CWH43: variants seen among roughly 807,000 people sequenced by gnomAD.
CWH43 encodes the protein cell wall biogenesis 43 C-terminal homolog.
A neutral mutation model predicts 85.7 loss-of-function variants in CWH43; 91 were observed. That is an observed-to-expected ratio of 1.06 (90% CI 0.90 to 1.26). The LOEUF is 1.26. Ranked by LOEUF, CWH43 falls within the 50% of genes most tolerant of loss-of-function variation. The pLI is 0.00. For missense variants in CWH43, 869 were observed against 839.2 expected (o/e 1.04, Z -0.44); for synonymous variants, 323 against 293.6 (o/e 1.10, Z -1.02).
At chr4:49,053,160 G>A (rs1278041921) in intron 15 of CWH43, among the ~76,000 whole-genome samples, 1 of 152,126 alleles carries the variant, frequency 6.6e-6, no homozygotes, top group Non-Finnish European at 1.5e-5. Flanking sequence ...ATGTATGTTT[G>A]TGTATAGCTG....
chr4:49,003,695 G>T (rs368954377), intron 6 of CWH43, 40 bp from the exon 7 acceptor site: 2 of 1,609,366 alleles, frequency 1.2e-6, no homozygotes, highest in South Asian at 2.2e-5. Flanking sequence ...CTCTAAGCTC[G>T]ACTGCTTTCC....
chr4:48,986,669 C>A (rs1782505603), intron 1 of CWH43, 197 bp downstream of exon 1: 2 of 1,353,672 alleles, frequency 1.5e-6, no homozygotes, highest in Non-Finnish European at 1.9e-6. Context: ...TTGAAGTCTT[C>A]AAGCTGAGTC....
chr4:49,006,996 T>C (rs1783179802), intron 7 of CWH43: 2 of 438,754 alleles, frequency 4.6e-6, no homozygotes, highest in African/African-American at 4.1e-5. Flanking sequence ...TCCTGTCATT[T>C]AAAGCACGAT....
intron 2 of CWH43, among the ~76,000 whole-genome samples, chr4:48,989,008 T>C (rs1345882239): frequency 1.3e-5 from 2 of 152,182 alleles, no homozygotes; most frequent in Admixed American, 1.3e-4. Flanking sequence ...GTTTGTTAAA[T>C]AATAATTCAC....
At chr4:49,021,616 T>C (rs1315216811) in intron 9 of CWH43, among the ~76,000 whole-genome samples, 2 of 152,160 alleles carry the variant, frequency 1.3e-5, no homozygotes, top group Non-Finnish European at 2.9e-5. Context: ...GGGAATTGCA[T>C]TGAATTTGTA....
intron 12 of CWH43, among the ~76,000 whole-genome samples, chr4:49,037,231 A>G (rs1256280185): frequency 3.3e-5 from 5 of 152,204 alleles, no homozygotes; most frequent in Non-Finnish European, 5.9e-5. Flanking sequence ...TAAAAGCACC[A>G]TGTTCAGCTG....
chr4:49,041,307 G>C (rs1311309796), intron 13 of CWH43, among the ~76,000 whole-genome samples: 4 of 152,172 alleles, frequency 2.6e-5, no homozygotes, highest in Non-Finnish European at 5.9e-5. Flanking sequence ...TGATGGGGAT[G>C]ACATTGAATG....
intron 7 of CWH43, among the ~76,000 whole-genome samples, chr4:49,006,509 C>T (rs1192677072): frequency 1.3e-5 from 2 of 152,088 alleles, no homozygotes; most frequent in African/African-American, 4.8e-5. Flanking sequence ...AATTGGACAC[C>T]GCTGTTTTTG....
In CWH43 at chr4:49,017,325, A is replaced by G; in HGVS notation, c.1263A>G (p.Lys421=). The G allele has an allele frequency of 6.2e-7, 1 of 1,601,356 alleles. No individual in the cohort carries two copies. The highest frequency in any genetic ancestry group is 8.5e-7 in the Non-Finnish European group (1 of 1,170,754). Residue 421 remains lysine (K), a synonymous_variant, in exon 9 of 16, where the codon AAA becomes AAG. Coordinates refer to ENST00000226432, the MANE Select transcript of CWH43 (RefSeq NM_025087.3). ...RHKAYERKLG[K]VAPTKEVSAA... is the part of the protein sequence containing the mutation. ...AAGCCTATGAGAGAAAACTGGGCAA[A>G]GTGGTAAGTAATTAAAAACCTTGAA... is the stretch of plus-strand genomic sequence containing the variant.
intron 7 of CWH43, among the ~76,000 whole-genome samples, chr4:49,004,356 C>T (rs1783088098): frequency 6.6e-6 from 1 of 152,106 alleles, no homozygotes; most frequent in Non-Finnish European, 1.5e-5. Context: ...GTGGTTGGCT[C>T]GTAAATATAC....
In CWH43 at chr4:49,039,732, T is replaced by C. The variant is rs568889165; in HGVS notation, c.1803+1552T>C. ...AACAGAGAGTGTATTTCTTTTTTTT[T>C]CTGATTTTTTTAAAATTTTATTATT... On this transcript the variant is annotated intron_variant, in intron 13 of 15. Transcript: ENST00000226432. 3.3e-5 allele frequency among the ~76,000 whole-genome samples: 5 copies of C among 151,918 alleles called. No individual in the cohort carries two copies. In the East Asian group the frequency reaches 7.8e-4, roughly 24 times the overall value.
intron 14 of CWH43, among the ~76,000 whole-genome samples, chr4:49,048,923 C>T (rs926557305): frequency 6.6e-6 from 1 of 152,124 alleles, no homozygotes; most frequent in African/African-American, 2.4e-5. Context: ...TCATCTCAAT[C>T]ACCAAATTCA....
chr4:49,035,901 CTTG>C (rs1784248034), intron 12 of CWH43, among the ~76,000 whole-genome samples: 1 of 152,066 alleles, frequency 6.6e-6, no homozygotes, highest in Admixed American at 6.6e-5. Context: ...GATTTGAATC[CTTG>C]TTGTAGGTAT....
intron 15 of CWH43, among the ~76,000 whole-genome samples, chr4:49,053,516 C>T (rs1784860257): frequency 6.6e-6 from 1 of 152,004 alleles, no homozygotes; most frequent in Admixed American, 6.6e-5. Flanking sequence ...TCTCATTGCG[C>T]TTTTAATTTG....
intron 14 of CWH43, among the ~76,000 whole-genome samples, chr4:49,047,531 T>C (rs951465699): frequency 1.3e-5 from 2 of 152,038 alleles, no homozygotes; most frequent in South Asian, 2.1e-4. Flanking sequence ...GAAGATGACA[T>C]TTCAGCCAAG....
intron 13 of CWH43, among the ~76,000 whole-genome samples, chr4:49,042,861 A>G (rs1304730569): frequency 2.6e-5 from 4 of 152,254 alleles, no homozygotes; most frequent in South Asian, 2.1e-4. Flanking sequence ...ACCACCTCAA[A>G]ACGTAGTGGC....
At chr4:49,014,038 A>G (rs1316741621) in intron 8 of CWH43, among the ~76,000 whole-genome samples, 6 of 152,242 alleles carry the variant, frequency 3.9e-5, no homozygotes, top group Non-Finnish European at 8.8e-5. Context: ...ACAAAATATT[A>G]TAGTGTAAAG....
chr4:49,033,838 C>T (rs1055033593), intron 12 of CWH43, among the ~76,000 whole-genome samples: 2 of 152,158 alleles, frequency 1.3e-5, no homozygotes, highest in Non-Finnish European at 2.9e-5. Context: ...CATTCACATG[C>T]AAGCTTTGCC....
At chr4:49,040,998 G>A (rs1577701269) in intron 13 of CWH43, among the ~76,000 whole-genome samples, 1 of 152,142 alleles carries the variant, frequency 6.6e-6, no homozygotes, top group South Asian at 2.1e-4. Context: ...TATTAAACAG[G>A]GAATCCTTTC....
Sources: allele counts gnomAD v4.1 joint callset (sites outside exome capture counted in the v4.1 genomes callset), GRCh38; gene constraint gnomAD v4.1.1; transcripts MANE v1.5; gene names NCBI Gene and HGNC (gene_info 2026-07-23, HGNC 2026-07-21).